RNF13: variants seen among roughly 807,000 people sequenced by gnomAD.
The protein encoded by RNF13 is ring finger protein 13, also known as E3 ubiquitin-protein ligase RNF13.
In RNF13, 19 loss-of-function variants were observed where a neutral mutation model predicts 37.7. The observed-to-expected ratio is 0.50, with a 90% CI of 0.35 to 0.74. The LOEUF (loss-of-function observed/expected upper bound fraction) is 0.74. RNF13 is among the 30% of genes least tolerant of loss of function. RNF13 has a pLI of 0.01. For missense variants in RNF13, 375 were observed against 453.0 expected, an observed-to-expected ratio of 0.83 and a Z score of 1.56; for synonymous variants, 144 against 157.8, an observed-to-expected ratio of 0.91 and a Z score of 0.65.
chr3:149,849,736 G>C (rs1722961141), intron 2 of RNF13, among the ~76,000 whole-genome samples: 1 of 152,170 alleles, frequency 6.6e-6, no homozygotes, highest in Non-Finnish European at 1.5e-5. Context: ...CTACTTTGTA[G>C]AGTTGTTGTT....
At chr3:149,947,860 C>A (rs985482053) in intron 8 of RNF13, among the ~76,000 whole-genome samples, 1 of 151,960 alleles carries the variant, frequency 6.6e-6, no homozygotes, top group South Asian at 2.1e-4. Context: ...AAAGTCTATT[C>A]TGTTTGATAT....
rs549384966 is a variant in RNF13, at chr3:149,845,852, G to A, written c.-16-159G>A. ...TGTTTACCTAAATGTCCAAATCTGT[G>A]TAAGTTCTTATGCTTTTGAAATAAA... On this transcript the variant is annotated intron_variant, in intron 1 of 9. Transcript: ENST00000392894. 9.3e-4 allele frequency: 502 copies of A among 537,382 alleles called. 3 individuals are homozygous for A. Among genetic ancestry groups the A allele is most frequent in the South Asian group, 3.9e-3 (150 of 38,112 alleles). The allele number at this position is 537,382 out of a possible 1,614,324, so 33.3% of individuals were successfully genotyped here.
chr3:149,913,693 A>C (rs1048479691), intron 7 of RNF13, among the ~76,000 whole-genome samples: 1 of 152,100 alleles, frequency 6.6e-6, no homozygotes, highest in East Asian at 1.9e-4. Context: ...ATGTCTCTCA[A>C]CCTGATTTTT....
At chr3:149,908,034 C>G (rs747748896) in intron 6 of RNF13, among the ~76,000 whole-genome samples, 1 of 152,182 alleles carries the variant, frequency 6.6e-6, no homozygotes, top group African/African-American at 2.4e-5. Context: ...CTTTTTATGA[C>G]CTCCCAATCT....
intron 6 of RNF13, among the ~76,000 whole-genome samples, chr3:149,904,923 A>G (rs1027489035): frequency 3.3e-5 from 5 of 152,174 alleles, no homozygotes; most frequent in Non-Finnish European, 7.4e-5. Context: ...TTGAGTAGAT[A>G]GAGATATTCT....
intron 8 of RNF13, among the ~76,000 whole-genome samples, chr3:149,923,590 C>T (rs970117537): frequency 6.6e-6 from 1 of 151,760 alleles, no homozygotes; most frequent in Non-Finnish European, 1.5e-5. Flanking sequence ...CATGGTGAAA[C>T]CCCGTCTCTA....
intron 8 of RNF13, among the ~76,000 whole-genome samples, chr3:149,929,641 T>C (rs1718977810): frequency 1.3e-5 from 2 of 152,186 alleles, no homozygotes; most frequent in Admixed American, 1.3e-4. Context: ...TTTGCAGTAC[T>C]TCACCAGTGA....
chr3:149,898,469 C>G (rs897310155), intron 5 of RNF13, among the ~76,000 whole-genome samples: 1 of 152,052 alleles, frequency 6.6e-6, no homozygotes, highest in Non-Finnish European at 1.5e-5. Context: ...GAGTACTTTC[C>G]GGGTACTGCT....
chr3:149,890,081 T>C (rs920183698), intron 4 of RNF13, among the ~76,000 whole-genome samples: 2 of 152,338 alleles, frequency 1.3e-5, no homozygotes, highest in Non-Finnish European at 2.9e-5. Context: ...TACTTTCCTA[T>C]CAAAACAAAG....
rs535735603 is a variant in RNF13, at chr3:149,831,486, G to A, written c.-16-14525G>A. ...TAAAATTTCAGTCTGCATGGACTCT[G>A]TACCCCCCTTGTTTCTGCCAGTTTC... On this transcript the variant is annotated intron_variant, in intron 1 of 9. Coordinates refer to ENST00000392894, the MANE Select transcript of RNF13 (RefSeq NM_183381.3). Among the ~76,000 whole-genome samples, 9 of 152,278 alleles carry A rather than the reference G, an allele frequency of 5.9e-5. No individual in the cohort carries two copies. The South Asian group carries it at 1.7e-3, about 28-fold the overall frequency.
chr3:149,947,660 A>C (rs944086974), intron 8 of RNF13, among the ~76,000 whole-genome samples: 1 of 152,134 alleles, frequency 6.6e-6, no homozygotes, highest in Non-Finnish European at 1.5e-5. Context: ...TGGGCCTCCC[A>C]AAGTGCTGGA....
At chr3:149,943,088 A>C (rs1209654849) in intron 8 of RNF13, among the ~76,000 whole-genome samples, 1 of 151,852 alleles carries the variant, frequency 6.6e-6, no homozygotes, top group Non-Finnish European at 1.5e-5. Context: ...GTTTACTAGT[A>C]TTTTGTTGAG....
At chr3:149,853,396 T>C in intron 3 of RNF13, among the ~76,000 whole-genome samples, 1 of 151,794 alleles carries the variant, frequency 6.6e-6, no homozygotes, top group Middle Eastern at 3.4e-3. Context: ...GCTAATTTGA[T>C]TTTAAAAAAT....
chr3:149,939,211 G>C (rs1169674221), intron 8 of RNF13: 3 of 513,456 alleles, frequency 5.8e-6, no homozygotes, highest in Admixed American at 4.2e-5. Context: ...TTTGACTTCT[G>C]TGCATTTTTG....
chr3:149,944,398 C>T (rs1379248528), intron 8 of RNF13, among the ~76,000 whole-genome samples: 1 of 152,194 alleles, frequency 6.6e-6, no homozygotes, highest in Non-Finnish European at 1.5e-5. Flanking sequence ...ACCACACTGT[C>T]TTCCACAATG....
intron 1 of RNF13, among the ~76,000 whole-genome samples, chr3:149,836,432 G>GTATA (rs528465407): frequency 3.3e-5 from 5 of 151,378 alleles, no homozygotes; most frequent in Admixed American, 2.6e-4. Context: ...ATGGCTATAT[G>GTATA]TATATATATA....
intron 1 of RNF13, among the ~76,000 whole-genome samples, chr3:149,840,535 A>G (rs1409842259): frequency 6.6e-6 from 1 of 152,184 alleles, no homozygotes; most frequent in Non-Finnish European, 1.5e-5. Context: ...GAATGGTTCT[A>G]AAATATCCTC....
At chr3:149,919,718 G>A (rs1345440217) in intron 7 of RNF13, among the ~76,000 whole-genome samples, 2 of 152,160 alleles carry the variant, frequency 1.3e-5, no homozygotes, top group Non-Finnish European at 2.9e-5. Flanking sequence ...GACATTTGTT[G>A]TATGGAAATA....
intron 8 of RNF13, among the ~76,000 whole-genome samples, chr3:149,955,536 G>T (rs1041063667): frequency 8.6e-5 from 13 of 151,882 alleles, no homozygotes; most frequent in African/African-American, 2.9e-4. Context: ...TTATTTGCTA[G>T]AAAAAAAGCT....
Sources: allele counts gnomAD v4.1 joint callset (sites outside exome capture counted in the v4.1 genomes callset), GRCh38; gene constraint gnomAD v4.1.1; transcripts MANE v1.5; gene names NCBI Gene and HGNC (gene_info 2026-07-23, HGNC 2026-07-21).